SCFD2: variants seen among roughly 807,000 people sequenced by gnomAD.
SCFD2 encodes the protein sec1 family domain-containing protein 2.
SCFD2 carries 54 observed loss-of-function variants against 58.9 expected under a neutral mutation model. The observed-to-expected ratio is 0.92, with a 90% CI of 0.74 to 1.15. The LOEUF is 1.15. Among genes scored for constraint, SCFD2 ranks in the 50% most tolerant of loss-of-function variants. SCFD2 has a pLI of 0.00. For missense variants in SCFD2, 805 were observed against 836.6 expected (o/e 0.96, Z 0.47); for synonymous variants, 321 against 335.9 (o/e 0.96, Z 0.49).
intron 5 of SCFD2, among the ~76,000 whole-genome samples, chr4:52,959,013 T>G (rs1056177301): frequency 1.3e-5 from 2 of 152,162 alleles, no homozygotes; most frequent in African/African-American, 4.8e-5. Flanking sequence ...CCTCACTGAT[T>G]AAGAAACTAA....
At chr4:53,258,503 C>CT (rs1730718450) in intron 4 of SCFD2, among the ~76,000 whole-genome samples, 1 of 139,700 alleles carries the variant, frequency 7.2e-6, no homozygotes, top group South Asian at 2.3e-4. Flanking sequence ...TATTTTGTTT[C>CT]TTTTTATGGC....
intron 5 of SCFD2, among the ~76,000 whole-genome samples, chr4:53,015,616 G>A (rs1722192645): frequency 6.6e-6 from 1 of 152,070 alleles, no homozygotes; most frequent in African/African-American, 2.4e-5. Flanking sequence ...TAACTTGAGT[G>A]TACCCAACCC....
At chr4:53,292,524 T>C (rs1731874834) in intron 3 of SCFD2, among the ~76,000 whole-genome samples, 1 of 152,082 alleles carries the variant, frequency 6.6e-6, no homozygotes, top group African/African-American at 2.4e-5. Flanking sequence ...GCCAGCAGAA[T>C]GGCAATTATT....
chr4:52,930,805 A>G (rs1286855468), intron 5 of SCFD2, among the ~76,000 whole-genome samples: 7 of 152,168 alleles, frequency 4.6e-5, no homozygotes. Flanking sequence ...TACACTGTAG[A>G]CAAAGAGATT....
chr4:53,316,114 A>G (rs1192632427), intron 2 of SCFD2, among the ~76,000 whole-genome samples: 2 of 152,310 alleles, frequency 1.3e-5, no homozygotes, highest in South Asian at 2.1e-4. Context: ...TAAAAAAGTG[A>G]CATTGCCTAT....
intron 3 of SCFD2, among the ~76,000 whole-genome samples, chr4:53,291,244 A>G (rs938442144): frequency 3.9e-5 from 6 of 152,134 alleles, no homozygotes; most frequent in Admixed American, 2.0e-4. Context: ...AAGATTATAC[A>G]TCATGAAAAA....
chr4:52,922,450 CT>C (rs1014216880), intron 5 of SCFD2, among the ~76,000 whole-genome samples: 12 of 151,992 alleles, frequency 7.9e-5, no homozygotes, highest in Non-Finnish European at 1.0e-4. Flanking sequence ...AATATGTAGT[CT>C]TTTGTGACTG....
At chr4:53,100,434 C>T (rs1724799401) in intron 5 of SCFD2, among the ~76,000 whole-genome samples, 1 of 152,054 alleles carries the variant, frequency 6.6e-6, no homozygotes, top group South Asian at 2.1e-4. Context: ...TGCATGTGTG[C>T]ATATGTGAAT....
At chr4:53,076,675 T>C (rs1048228445) in intron 5 of SCFD2, among the ~76,000 whole-genome samples, 14 of 152,144 alleles carry the variant, frequency 9.2e-5, no homozygotes, top group African/African-American at 3.4e-4. Context: ...ACCTGCCAGG[T>C]CTGAGCATTG....
chr4:53,364,969 G>C, intron 1 of SCFD2, 135 bp downstream of exon 1: 9 of 1,026,306 alleles, frequency 8.8e-6, no homozygotes, highest in Non-Finnish European at 1.3e-5. Context: ...TGAGATTAGA[G>C]ACCGTGTCCA....
chr4:53,287,207 G>T (rs1176278291), intron 3 of SCFD2, among the ~76,000 whole-genome samples: 2 of 152,182 alleles, frequency 1.3e-5, no homozygotes, highest in East Asian at 3.9e-4. Context: ...CACATCACAG[G>T]TGTCACAGTA....
intron 4 of SCFD2, among the ~76,000 whole-genome samples, chr4:53,200,436 TTAAAG>T (rs1485390722): frequency 3.3e-5 from 5 of 152,080 alleles, no homozygotes; most frequent in South Asian, 2.1e-4. Context: ...CTTTGAACTA[TTAAAG>T]TAGATTTCAA....
Position 53,300,358 on chromosome 4 carries a change from T to A in SCFD2, c.1135+13278A>T, listed in dbSNP as rs182078763. Among the ~76,000 whole-genome samples, 582 of 152,172 alleles carry A rather than the reference T, an allele frequency of 3.8e-3. 4 individuals carry two copies. Among genetic ancestry groups the A allele is most frequent in the Non-Finnish European group, 4.6e-3 (314 of 68,014 alleles). On this transcript the variant is annotated intron_variant, in intron 3 of 8. Coordinates refer to ENST00000401642, the MANE Select transcript of SCFD2 (RefSeq NM_152540.4). ...AGATCAAAAGAGACAAAGAAGGTCA[T>A]TACATAAGGCTAAAGGTATCAATTC... is the stretch of plus-strand genomic sequence containing the variant.
chr4:52,892,819 C>T (rs1718909221), intron 7 of SCFD2, among the ~76,000 whole-genome samples: 1 of 152,182 alleles, frequency 6.6e-6, no homozygotes, highest in Non-Finnish European at 1.5e-5. Flanking sequence ...CTATATCTTC[C>T]TTAACCGCAA....
At chr4:53,327,418 A>T (rs1390330702) in intron 2 of SCFD2, among the ~76,000 whole-genome samples, 3 of 152,192 alleles carry the variant, frequency 2.0e-5, no homozygotes, top group East Asian at 3.8e-4. Context: ...AAGTGGAGTG[A>T]GAAGGATACC....
At chr4:53,021,642 G>C (rs1176905538) in intron 5 of SCFD2, among the ~76,000 whole-genome samples, 1 of 152,044 alleles carries the variant, frequency 6.6e-6, no homozygotes, top group African/African-American at 2.4e-5. Context: ...AGGGTGTTGG[G>C]AAAAGCTCCT....
intron 5 of SCFD2, among the ~76,000 whole-genome samples, chr4:53,137,115 T>G (rs1281993516): frequency 1.3e-5 from 2 of 152,240 alleles, no homozygotes; most frequent in African/African-American, 2.4e-5. Context: ...ACTTTGTTTA[T>G]GACAAATATA....
chr4:53,050,828 C>T (rs928502835), intron 5 of SCFD2, among the ~76,000 whole-genome samples: 11 of 152,288 alleles, frequency 7.2e-5, no homozygotes, highest in African/African-American at 2.4e-4. Context: ...ATGCTGCCTG[C>T]ATTCCTCCAA....
intron 5 of SCFD2, among the ~76,000 whole-genome samples, chr4:53,114,369 G>A (rs545883487): frequency 8.6e-5 from 13 of 151,882 alleles, no homozygotes; most frequent in East Asian, 5.8e-4. Flanking sequence ...CCATCTTTTC[G>A]CCCCCACTGA....
Sources: allele counts gnomAD v4.1 joint callset (sites outside exome capture counted in the v4.1 genomes callset), GRCh38; gene constraint gnomAD v4.1.1; transcripts MANE v1.5; gene names NCBI Gene and HGNC (gene_info 2026-07-23, HGNC 2026-07-21).